PLEKHA7: variants seen among roughly 807,000 people sequenced by gnomAD.
The protein encoded by PLEKHA7 is pleckstrin homology domain containing A7.
PLEKHA7 carries 104 observed loss-of-function variants against 170.0 expected under a neutral mutation model. The observed-to-expected ratio is 0.61, with a 90% CI of 0.52 to 0.72. The LOEUF is 0.72. PLEKHA7 is among the 30% of genes least tolerant of loss of function. PLEKHA7 has a pLI of 0.00. For synonymous variants in PLEKHA7, 648 were observed against 660.8 expected, an observed-to-expected ratio of 0.98 and a Z score of 0.30; for missense variants, 1,615 against 1,671.7, an observed-to-expected ratio of 0.97 and a Z score of 0.59.
intron 25 of PLEKHA7, among the ~76,000 whole-genome samples, chr11:16,783,248 C>A (rs1273735829): frequency 1.3e-5 from 2 of 152,202 alleles, no homozygotes; most frequent in Admixed American, 1.3e-4. Flanking sequence ...TCAGAGGACC[C>A]CAGGCCAGCA....
At chr11:16,870,990 C>T in intron 4 of PLEKHA7, 109 bp downstream of exon 4, 2 of 787,272 alleles carry the variant, frequency 2.5e-6, no homozygotes, top group Admixed American at 4.4e-5. Context: ...ACCCACTCAC[C>T]CCAAGCCCCT....
intron 3 of PLEKHA7, among the ~76,000 whole-genome samples, chr11:17,006,250 C>T (rs981282413): frequency 1.1e-4 from 17 of 150,512 alleles, no homozygotes; most frequent in Non-Finnish European, 2.2e-4. Flanking sequence ...ACACCAGCTA[C>T]AAGGGAAGCG....
chr11:16,865,550 C>T (rs1854319789), intron 4 of PLEKHA7, among the ~76,000 whole-genome samples: 1 of 150,760 alleles, frequency 6.6e-6, no homozygotes, highest in African/African-American at 2.4e-5. Flanking sequence ...ACAGTGAAAC[C>T]CCATCTCTAC....
At position 16,886,442 on chromosome 11, in the gene PLEKHA7, G is replaced by T. The variant is rs577132684; in HGVS notation, c.222-15260C>A. Among the ~76,000 whole-genome samples the T allele has an allele frequency of 2.0e-5, 3 of 152,334 alleles. No homozygotes were observed. In the East Asian group the frequency reaches 5.8e-4, roughly 29 times the overall value. ...AAGGCACACAATTGCTGGGCGCAGT[G>T]GCTCATGCCTGTAATCCCAGCACTT... On this transcript the variant is annotated intron_variant, in intron 3 of 26. Transcript: ENST00000531066.
chr11:16,989,076 C>A (rs1659209611), intron 3 of PLEKHA7, among the ~76,000 whole-genome samples: 1 of 152,250 alleles, frequency 6.6e-6, no homozygotes, highest in Admixed American at 6.5e-5. Flanking sequence ...AGTGCTCCAT[C>A]TGTGATCTCC....
At chr11:16,979,882 C>G (rs539950946) in intron 3 of PLEKHA7, among the ~76,000 whole-genome samples, 1 of 152,262 alleles carries the variant, frequency 6.6e-6, no homozygotes, top group South Asian at 2.1e-4. Flanking sequence ...TCTGTGTACA[C>G]AGGCAGGGTC....
intron 19 of PLEKHA7, among the ~76,000 whole-genome samples, chr11:16,793,084 C>A (rs7943587): frequency 0.18 from 27,552 of 152,206 alleles, 2,738 homozygotes; most frequent in Admixed American, 0.28. Flanking sequence ...GATGACCAAG[C>A]TGAGGAGGAG....
chr11:16,940,121 C>T (rs1040237188), intron 3 of PLEKHA7, among the ~76,000 whole-genome samples: 2 of 152,178 alleles, frequency 1.3e-5, no homozygotes, highest in Non-Finnish European at 2.9e-5. Context: ...ATCTCCCCTA[C>T]TGGGCTGTAA....
At chr11:16,835,642 A>C (rs1018646855) in intron 9 of PLEKHA7, among the ~76,000 whole-genome samples, 1 of 152,200 alleles carries the variant, frequency 6.6e-6, no homozygotes, top group Non-Finnish European at 1.5e-5. Flanking sequence ...TGTTTAATTT[A>C]ATCCTTGTAG....
rs544307822 is a variant in PLEKHA7, at chr11:16,930,457, A to G, written c.222-59275T>C. On this transcript the variant is annotated intron_variant, in intron 3 of 26. Transcript: ENST00000531066. Reference sequence around the variant, plus strand: ...AAAGACCTTGTCTCAAAATCAAATAAATAAAAAATAAAAATACAATAGGCA... The same window carrying G: ...AAAGACCTTGTCTCAAAATCAAATAGATAAAAAATAAAAATACAATAGGCA... Among the ~76,000 whole-genome samples, 28 of 152,332 alleles carry G rather than the reference A, an allele frequency of 1.8e-4. 1 individual carries two copies. In the South Asian group the frequency reaches 5.6e-3, roughly 30 times the overall value.
intron 10 of PLEKHA7, among the ~76,000 whole-genome samples, chr11:16,823,405 G>C (rs974054556): frequency 9.9e-5 from 15 of 152,240 alleles, no homozygotes; most frequent in African/African-American, 3.1e-4. Flanking sequence ...AAATCATGCA[G>C]ACAGGATTAA....
At chr11:16,825,207 A>C (rs1850542657) in intron 10 of PLEKHA7, among the ~76,000 whole-genome samples, 1 of 152,210 alleles carries the variant, frequency 6.6e-6, no homozygotes, top group Non-Finnish European at 1.5e-5. Flanking sequence ...TGAAAACAGG[A>C]CTAGGCTATT....
At chr11:16,783,407 C>T (rs989999952) in intron 25 of PLEKHA7, among the ~76,000 whole-genome samples, 1 of 152,248 alleles carries the variant, frequency 6.6e-6, no homozygotes. Context: ...TTCACGGCCA[C>T]GCTTGGCTCC....
rs752336153 is a variant in PLEKHA7 at position 16,826,471 on chromosome 11, T to C, written c.992A>G (p.Asp331Gly). The C allele has an allele frequency of 1.2e-6, 2 of 1,614,212 alleles. No homozygotes were observed. The highest frequency in any genetic ancestry group is 4.5e-5 in the East Asian group (2 of 44,880). ...CTCCTGCCTCTCGAAGTTGACAATG[T>C]CATCATGGCCACGATGAGGACAATC... Reference protein sequence around the residue: ...TRDCPHRGHDDIVNFERQEQE... With the variant: ...TRDCPHRGHDGIVNFERQEQE... The change falls in exon 10 of 27, where the codon GAC (aspartate) becomes GGC (glycine). Residue 331 changes from aspartate (D) to glycine (G), a missense_variant. Asp to Gly is a moderately conservative substitution (Grantham distance 94). Coordinates refer to ENST00000531066, the MANE Select transcript of PLEKHA7 (RefSeq NM_001329630.2).
intron 19 of PLEKHA7, among the ~76,000 whole-genome samples, chr11:16,793,901 T>C (rs1400303505): frequency 6.6e-6 from 1 of 152,204 alleles, no homozygotes; most frequent in East Asian, 1.9e-4. Flanking sequence ...TGTGATTGGA[T>C]TCACTAGTTA....
At chr11:16,867,540 T>G (rs1439910322) in intron 4 of PLEKHA7, among the ~76,000 whole-genome samples, 1 of 152,060 alleles carries the variant, frequency 6.6e-6, no homozygotes, top group Non-Finnish European at 1.5e-5. Context: ...AAAATTAAGC[T>G]CCTCTAAGGG....
At chr11:16,886,170 T>C (rs1235837781) in intron 3 of PLEKHA7, among the ~76,000 whole-genome samples, 5 of 152,132 alleles carry the variant, frequency 3.3e-5, no homozygotes, top group Admixed American at 3.3e-4. Context: ...AAGAGGCCAC[T>C]GGCAGTAGGC....
At chr11:16,925,836 C>G (rs1249657937) in intron 3 of PLEKHA7, among the ~76,000 whole-genome samples, 7 of 152,368 alleles carry the variant, frequency 4.6e-5, no homozygotes, top group Non-Finnish European at 5.9e-5. Flanking sequence ...GCCGTTCGGC[C>G]AGGACGGCGC....
intron 3 of PLEKHA7, among the ~76,000 whole-genome samples, chr11:16,976,261 A>G (rs1283383872): frequency 6.6e-6 from 1 of 152,280 alleles, no homozygotes; most frequent in Non-Finnish European, 1.5e-5. Context: ...ATTGGCAAAG[A>G]TCAGAGGCCA....
Sources: gnomAD v4.1 joint callset for allele counts (sites outside exome capture counted in the v4.1 genomes callset) on GRCh38, gnomAD v4.1.1 for gene constraint, MANE v1.5 for transcripts, NCBI Gene and HGNC (gene_info 2026-07-23, HGNC 2026-07-21) for gene names.